The following NSD3 variants were observed in gnomAD, a reference collection of about 807,000 sequenced individuals.
NSD3 encodes the protein histone-lysine N-methyltransferase NSD3.
In NSD3, 24 loss-of-function variants were observed where a neutral mutation model predicts 160.8. That is an observed-to-expected ratio of 0.15 (90% CI 0.11 to 0.21). The LOEUF (loss-of-function observed/expected upper bound fraction) is 0.21, where lower values mean the gene tolerates loss of function less well. NSD3 is among the 10% of genes least tolerant of loss of function. The pLI is 1.00. For missense variants in NSD3, 1,157 were observed against 1,735.9 expected (o/e 0.67, Z 5.93); for synonymous variants, 520 against 600.0 (o/e 0.87, Z 1.95).
chr8:38,275,528 T>C lies in NSD3; in HGVS notation c.*113A>G. ...ATGAACTGGTTTCCCATTTTTGCTT[T>C]AATAAGGCAGTTCCGATGGCAAAGG... On this transcript the variant is annotated 3_prime_UTR_variant, in exon 24 of 24. Transcript: ENST00000317025. 9.2e-7 allele frequency: 1 copy of C among 1,084,764 alleles called. No individual in the cohort carries two copies. Among genetic ancestry groups the C allele is most frequent in the Non-Finnish European group, 1.3e-6 (1 of 771,860 alleles). The allele number at this position is 1,084,764 out of a possible 1,614,324, so 67.2% of individuals were successfully genotyped here.
intron 21 of NSD3, 103 bp downstream of exon 21, chr8:38,279,437 A>C: frequency 7.5e-7 from 1 of 1,336,970 alleles, no homozygotes; most frequent in Non-Finnish European, 1.0e-6. Context: ...CCTCTTATTT[A>C]AATAAGTTCT....
At chr8:38,363,660 AAAAG>A in intron 1 of NSD3, among the ~76,000 whole-genome samples, 1 of 151,630 alleles carries the variant, frequency 6.6e-6, no homozygotes, top group South Asian at 2.1e-4. Context: ...AAAAAAAAAA[AAAAG>A]GGAAGGAAAC....
intron 1 of NSD3, among the ~76,000 whole-genome samples, chr8:38,360,313 G>A (rs1302559802): frequency 6.6e-6 from 1 of 152,108 alleles, no homozygotes; most frequent in Non-Finnish European, 1.5e-5. Context: ...CCATGGTAAT[G>A]CATATACTTG....
intron 3 of NSD3, 136 bp downstream of exon 3, chr8:38,338,400 C>A: frequency 3.0e-6 from 2 of 657,446 alleles, no homozygotes; most frequent in South Asian, 2.5e-5. Flanking sequence ...CCTATCAAAC[C>A]AGCTCCAAGA....
chr8:38,280,944 C>T (rs182050918), intron 20 of NSD3, among the ~76,000 whole-genome samples: 2 of 152,008 alleles, frequency 1.3e-5, no homozygotes, highest in East Asian at 3.9e-4. Context: ...TTTGTAGAGA[C>T]AGGGTCTTCC....
chr8:38,290,365 A>G lies in NSD3; in HGVS notation c.3118+110T>C. On this transcript the variant is annotated intron_variant, in intron 17 of 23. Coordinates refer to ENST00000317025, the MANE Select transcript of NSD3 (RefSeq NM_023034.2). ...GGAAGCTTATGGACACAGGATCATA[A>G]TGTCTAGTGAAAATTCTCTAATACC... The G allele has an allele frequency of 2.8e-6, 3 of 1,086,828 alleles. No individual in the cohort carries two copies. In the East Asian group the frequency reaches 7.1e-5, roughly 26 times the overall value. 67.3% of individuals were successfully genotyped at this position (1,086,828 alleles called of 1,614,324 possible). A position where few individuals can be genotyped will look rare whatever the true frequency, so the allele number is the denominator to read the frequency against.
chr8:38,313,752 C>T (rs1423139891), intron 12 of NSD3, among the ~76,000 whole-genome samples: 2 of 147,320 alleles, frequency 1.4e-5, no homozygotes, highest in African/African-American at 2.5e-5. Flanking sequence ...TGTGCCACTG[C>T]ACTCCAGCCT....
chr8:38,370,331 A>C (rs1450578746), intron 1 of NSD3, among the ~76,000 whole-genome samples: 2 of 152,070 alleles, frequency 1.3e-5, no homozygotes, highest in African/African-American at 4.8e-5. Context: ...AAAAATTTTA[A>C]ACCATACACA....
intron 12 of NSD3, among the ~76,000 whole-genome samples, chr8:38,312,102 T>C (rs1809548578): frequency 6.6e-6 from 1 of 152,212 alleles, no homozygotes; most frequent in African/African-American, 2.4e-5. Context: ...TTTGACCATA[T>C]ATGCAAGTGC....
rs1296323203 is a variant in NSD3, at chr8:38,316,108, G to T, written c.1856-66C>A. The T allele has an allele frequency of 2.5e-6, 4 of 1,578,810 alleles. No homozygotes were observed. The East Asian group carries it at 9.0e-5, about 36-fold the overall frequency. On this transcript the variant is annotated intron_variant, in intron 9 of 23. Coordinates refer to ENST00000317025, the MANE Select transcript of NSD3 (RefSeq NM_023034.2). This position sits in a 1 kb window ranked among gnomAD's most constrained non-coding sequence, Gnocchi z 4.5. ...AAGGTTTGTTTTAATTTTTTTGTGTGTGGGAGAATATTTTCTTTTCTCAAA... is the reference window on the plus strand; with the variant it reads ...AAGGTTTGTTTTAATTTTTTTGTGTTTGGGAGAATATTTTCTTTTCTCAAA...
chr8:38,297,898 G>A (rs891183784), intron 15 of NSD3, among the ~76,000 whole-genome samples: 1 of 152,054 alleles, frequency 6.6e-6, no homozygotes, highest in African/African-American at 2.4e-5. Context: ...GTGATTATTA[G>A]TACTGACCTA....
At chr8:38,374,958 C>A (rs1811352335) in intron 1 of NSD3, among the ~76,000 whole-genome samples, 1 of 152,028 alleles carries the variant, frequency 6.6e-6, no homozygotes, top group Non-Finnish European at 1.5e-5. Flanking sequence ...GAGCCGAGAT[C>A]GCGCCCCTGC....
chr8:38,355,115 G>A (rs913428686), intron 1 of NSD3, among the ~76,000 whole-genome samples: 1 of 152,038 alleles, frequency 6.6e-6, no homozygotes, highest in Non-Finnish European at 1.5e-5. Flanking sequence ...GGGCTCTACT[G>A]AGCACTGTGC....
At chr8:38,337,567 T>C (rs907141274) in intron 3 of NSD3, 100 bp from the exon 4 acceptor site, 1 of 1,096,720 alleles carries the variant, frequency 9.1e-7, no homozygotes, top group Non-Finnish European at 1.2e-6. Flanking sequence ...TCTTCAGTTA[T>C]ACTTTGATAC....
rs1809698855 is a variant in NSD3, at chr8:38,317,564, A to T, written c.1855+1331T>A. The T allele has an allele frequency of 1.4e-5, 15 of 1,065,056 alleles. No homozygotes were observed. The highest frequency in any genetic ancestry group is 5.3e-5 in the East Asian group (1 of 18,788). 66.0% of individuals were successfully genotyped at this position (1,065,056 alleles called of 1,614,324 possible). ...TCTCCATGATAACGGCACTAATATT[A>T]AAAAAAATAAGAACTTTTAATGATT... On this transcript the variant is annotated intron_variant, in intron 9 of 23. Coordinates refer to ENST00000317025, the MANE Select transcript of NSD3 (RefSeq NM_023034.2). The surrounding 1 kb of genome is among the most constrained non-coding windows in gnomAD (Gnocchi z 5.3).
In NSD3 at chr8:38,329,500, T is replaced by C. The variant is rs1809999512; in HGVS notation, c.1459A>G (p.Lys487Glu). The change falls in exon 6 of 24, where the codon AAA (lysine) becomes GAA (glutamate). Residue 487 changes from lysine (K) to glutamate (E), a missense_variant. By Grantham distance (56) the Lys-to-Glu change is moderately conservative. Transcript: ENST00000317025. The surrounding 1 kb of genome is among the most constrained non-coding windows in gnomAD (Gnocchi z 4.8). ...CACTTCTGCAAATCCAGGCTCCCTTTGTGCATCGTAATGGAAGCTGGTAAG... is the reference window on the plus strand; with the variant it reads ...CACTTCTGCAAATCCAGGCTCCCTTCGTGCATCGTAATGGAAGCTGGTAAG... Reference protein sequence around the residue: ...KSLPASITMHKGSLDLQKCNM... With the variant: ...KSLPASITMHEGSLDLQKCNM... 1.2e-6 allele frequency: 2 copies of C among 1,614,238 alleles called. No individual in the cohort carries two copies. Among genetic ancestry groups the C allele is most frequent in the Non-Finnish European group, 1.7e-6 (2 of 1,180,048 alleles).
At position 38,338,443 on chromosome 8, in the gene NSD3, C is replaced by T. The variant is rs1020439958; in HGVS notation, c.747+93G>A. On this transcript the variant is annotated intron_variant, in intron 3 of 23. Transcript: ENST00000317025. Reference sequence around the variant, plus strand: ...CAATATAATTTCTGAAATTAAGAAGCGTAGTACCAATACAATTGTGTTGCA... The same window carrying T: ...CAATATAATTTCTGAAATTAAGAAGTGTAGTACCAATACAATTGTGTTGCA... The T allele has an allele frequency of 2.3e-5, 24 of 1,022,088 alleles. No individual in the cohort carries two copies. In the East Asian group the frequency reaches 3.1e-4, roughly 13 times the overall value. 63.3% of individuals were successfully genotyped at this position (1,022,088 alleles called of 1,614,324 possible).
chr8:38,297,105 C>T (rs983086932), intron 15 of NSD3, among the ~76,000 whole-genome samples: 45 of 152,218 alleles, frequency 3.0e-4, no homozygotes, highest in African/African-American at 1.0e-3. Context: ...TTACATAAGT[C>T]TCTTCTGACT....
chr8:38,307,252 T>C (rs1809430507), intron 12 of NSD3, among the ~76,000 whole-genome samples: 1 of 152,130 alleles, frequency 6.6e-6, no homozygotes, highest in African/African-American at 2.4e-5. Context: ...TTGTGTGATC[T>C]TGGCTCACTG....
Sources: gnomAD v4.1 joint callset for allele counts (sites outside exome capture counted in the v4.1 genomes callset) on GRCh38, gnomAD v4.1.1 for gene constraint, Gnocchi (gnomAD v3.1) non-coding constraint, MANE v1.5 for transcripts, NCBI Gene and HGNC (gene_info 2026-07-23, HGNC 2026-07-21) for gene names.